PLEKHF1: variants seen among roughly 807,000 people sequenced by gnomAD.
PLEKHF1 encodes pleckstrin homology domain-containing family F member 1.
In PLEKHF1, 1 loss-of-function variant was observed where a neutral mutation model predicts 4.1. That is an observed-to-expected ratio of 0.24 (90% CI 0.09 to 1.15). The LOEUF is 1.15. Ranked by LOEUF, PLEKHF1 falls within the 50% of genes most tolerant of loss-of-function variation. The pLI is 0.52. For missense variants in PLEKHF1, 429 were observed against 400.6 expected (o/e 1.07, Z -0.60); for synonymous variants, 182 against 178.5 (o/e 1.02, Z -0.16).
rs757460721 is a variant in PLEKHF1 at position 29,674,167 on chromosome 19, G to A, written c.328G>A (p.Val110Met). ...GATCAAGACGGCCAAGAAGTCCTTTGTGGTGTCGGCCGCCTCCGCTACGGA... is the reference window on the plus strand; with the variant it reads ...GATCAAGACGGCCAAGAAGTCCTTTATGGTGTCGGCCGCCTCCGCTACGGA... ...WMIKTAKKSF[V>M]VSAASATERQ... Residue 110 changes from valine (V) to methionine (M), a missense_variant, in exon 2 of 2, where the codon GTG (valine) becomes ATG (methionine). Val to Met is a conservative substitution (Grantham distance 21, BLOSUM62 1). Transcript: ENST00000436066. 6.2e-7 allele frequency: 1 copy of A among 1,613,526 alleles called. No individual in the cohort carries two copies. Among genetic ancestry groups the A allele is most frequent in the Non-Finnish European group, 8.5e-7 (1 of 1,179,936 alleles).
chr19:29,674,184 C>T lies in PLEKHF1; in HGVS notation c.345C>T (p.Ser115=). The stretch of plus-strand genomic sequence containing the variant: ...AGTCCTTTGTGGTGTCGGCCGCCTC[C>T]GCTACGGAGCGCCAGGAATGGATTA... The part of the protein sequence containing the change: ...AKKSFVVSAA[S]ATERQEWISH... Residue 115 remains serine (S), a synonymous_variant, in exon 2 of 2, where the codon TCC becomes TCT. Coordinates refer to ENST00000436066, the MANE Select transcript of PLEKHF1 (RefSeq NM_024310.5). 6.2e-7 allele frequency: 1 copy of T among 1,613,238 alleles called. No individual in the cohort carries two copies. The highest frequency in any genetic ancestry group is 8.5e-7 in the Non-Finnish European group (1 of 1,179,878).
rs1390933184 is a variant in PLEKHF1 at position 29,674,290 on chromosome 19, C to G, written c.451C>G (p.Pro151Ala). 1.9e-6 allele frequency: 3 copies of G among 1,595,216 alleles called. No individual in the cohort carries two copies. The highest frequency in any genetic ancestry group is 2.6e-6 in the Non-Finnish European group (3 of 1,176,374). Residue 151 changes from proline to alanine, a missense_variant, in exon 2 of 2, where the codon CCC becomes GCC. Coordinates refer to ENST00000436066, the MANE Select transcript of PLEKHF1 (RefSeq NM_024310.5). The part of the protein sequence containing the change: ...PSTEHAAPWI[P>A]DKATDICMRC... The stretch of plus-strand genomic sequence containing the variant: ...CACGGAGCACGCGGCACCCTGGATC[C>G]CCGACAAGGCCACGGACATCTGCAT...
intron 1 of PLEKHF1, among the ~76,000 whole-genome samples, chr19:29,670,829 C>T (rs1379870187): frequency 6.6e-6 from 1 of 152,080 alleles, no homozygotes; most frequent in African/African-American, 2.4e-5. Context: ...AGGCGCTCGC[C>T]ACCACACCAG....
Position 29,674,306 on chromosome 19 carries a change from A to G in PLEKHF1, c.467A>G (p.Asp156Gly), listed in dbSNP as rs1430733126. Residue 156 changes from aspartate (D) to glycine (G), a missense_variant, in exon 2 of 2, where the codon GAC (aspartate) becomes GGC (glycine). Asp to Gly is a moderately conservative substitution (Grantham distance 94, BLOSUM62 -1). Coordinates refer to ENST00000436066, the MANE Select transcript of PLEKHF1 (RefSeq NM_024310.5). Reference sequence around the variant, plus strand: ...CCCTGGATCCCCGACAAGGCCACGGACATCTGCATGCGCTGCACGCAGACG... The same window carrying G: ...CCCTGGATCCCCGACAAGGCCACGGGCATCTGCATGCGCTGCACGCAGACG... ...AAPWIPDKAT[D>G]ICMRCTQTRF... 1 of 1,590,322 alleles carries G rather than the reference A, an allele frequency of 6.3e-7. No individual in the cohort carries two copies. The highest frequency in any genetic ancestry group is 8.5e-7 in the Non-Finnish European group (1 of 1,174,846).
rs1416806645 is a variant in PLEKHF1, at chr19:29,675,036, G to A, written c.*357G>A. 6 of 242,764 alleles carry A rather than the reference G, an allele frequency of 2.5e-5. No homozygotes were observed. The East Asian group carries it at 3.6e-4, about 14-fold the overall frequency. The allele number at this position is 242,764 out of a possible 1,614,324, so 15.0% of individuals were successfully genotyped here. On this transcript the variant is annotated 3_prime_UTR_variant, in exon 2 of 2. Coordinates refer to ENST00000436066, the MANE Select transcript of PLEKHF1 (RefSeq NM_024310.5). Reference sequence around the variant, plus strand: ...AGCAGGTTTGGGAACACAGAGGGAAGACAGGATGGGAGTGTAGCCACAGAA... The same window carrying A: ...AGCAGGTTTGGGAACACAGAGGGAAAACAGGATGGGAGTGTAGCCACAGAA...
Position 29,674,428 on chromosome 19 carries a change from T to C in PLEKHF1, c.589T>C (p.Ser197Pro). ...CCAGCGCTTCCTGCTCCCGCGCCTG[T>C]CCCCCAAGCCCGTGCGCGTCTGCAG... is the stretch of plus-strand genomic sequence containing the variant. Reference protein sequence around the residue: ...SRQRFLLPRLSPKPVRVCSLC... With the variant: ...SRQRFLLPRLPPKPVRVCSLC... The change falls in exon 2 of 2, where the codon TCC (serine) becomes CCC (proline). Residue 197 changes from serine to proline, a missense_variant. By Grantham distance (74) the Ser-to-Pro change is moderately conservative. Transcript: ENST00000436066. The C allele has an allele frequency of 6.5e-7, 1 of 1,530,282 alleles. No homozygotes were observed. Among genetic ancestry groups the C allele is most frequent in the Non-Finnish European group, 8.8e-7 (1 of 1,141,732 alleles). The allele number at this position is 1,530,282 out of a possible 1,614,324, so 94.8% of individuals were successfully genotyped here.
intron 1 of PLEKHF1, among the ~76,000 whole-genome samples, chr19:29,665,966 G>A (rs1971564960): frequency 6.6e-6 from 1 of 152,114 alleles, no homozygotes; most frequent in African/African-American, 2.4e-5. Flanking sequence ...GGGCGCGGCG[G>A]GGGGCGCTGG....
rs1450875997 is a variant in PLEKHF1 at position 29,675,105 on chromosome 19, TC to T, written c.*429del. ...GGCACACCCCACTGAAGAGCCTGAG[TC>T]CCAGGAGGCCTCCTGGAAGCCCAGG... On this transcript the variant is annotated 3_prime_UTR_variant, in exon 2 of 2. Transcript: ENST00000436066. 1 of 170,270 alleles carries T rather than the reference TC, an allele frequency of 5.9e-6. No homozygotes were observed. Among genetic ancestry groups the T allele is most frequent in the African/African-American group, 2.4e-5 (1 of 41,588 alleles). 10.5% of individuals were successfully genotyped at this position (170,270 alleles called of 1,614,324 possible). A position where few individuals can be genotyped will look rare whatever the true frequency, so the allele number is the denominator to read the frequency against.
At chr19:29,672,098 A>G (rs931333390) in intron 1 of PLEKHF1, among the ~76,000 whole-genome samples, 1 of 152,252 alleles carries the variant, frequency 6.6e-6, no homozygotes, top group East Asian at 1.9e-4. Context: ...TGAGCAGGGA[A>G]GCAGAAAACA....
chr19:29,665,690 G>C, intron 1 of PLEKHF1, 185 bp downstream of exon 1: 1 of 1,112,740 alleles, frequency 9.0e-7, no homozygotes, highest in Non-Finnish European at 1.1e-6. Flanking sequence ...GGGCGCTCCT[G>C]GGCGGCTTGC....
At position 29,674,680 on chromosome 19, in the gene PLEKHF1, C is replaced by A; in HGVS notation, c.*1C>A. 6.3e-7 allele frequency: 1 copy of A among 1,591,686 alleles called. No individual in the cohort carries two copies. The highest frequency in any genetic ancestry group is 8.6e-7 in the Non-Finnish European group (1 of 1,166,950). ...GGCCTGGTCTGCCTTCCACAGCTGA[C>A]CCCCGGCCTGCAGAACATCTGTCCC... On this transcript the variant is annotated 3_prime_UTR_variant, in exon 2 of 2. Transcript: ENST00000436066.
At chr19:29,668,121 C>A (rs1971590091) in intron 1 of PLEKHF1, among the ~76,000 whole-genome samples, 1 of 152,140 alleles carries the variant, frequency 6.6e-6, no homozygotes, top group Non-Finnish European at 1.5e-5. Flanking sequence ...CCTGTGCAGG[C>A]AGCAGGATTG....
At position 29,673,845 on chromosome 19, in the gene PLEKHF1, G is replaced by A. The variant is rs753329188; in HGVS notation, c.6G>A (p.Val2=). 6.3e-7 allele frequency: 1 copy of A among 1,595,224 alleles called. No individual in the cohort carries two copies. The highest frequency in any genetic ancestry group is 8.6e-7 in the Non-Finnish European group (1 of 1,168,370). Residue 2 remains valine (V), a synonymous_variant, in exon 2 of 2, where the codon GTG becomes GTA. Coordinates refer to ENST00000436066, the MANE Select transcript of PLEKHF1 (RefSeq NM_024310.5). ...GCAGCCGCCAGCTGGAGACGATGGT[G>A]GACCACTTGGCCAACACGGAGATCA... M[V]DHLANTEINS... is the part of the protein sequence containing the mutation.
Position 29,668,845 on chromosome 19 carries a change from G to A in PLEKHF1, c.-17+3340G>A, listed in dbSNP as rs1007162536. On this transcript the variant is annotated intron_variant, in intron 1 of 1. Transcript: ENST00000436066. ...GTGAAGTTGTGGTCATGTAGAGAAG[G>A]TGAGCATGCCGGGGCAGCTCCCAGG... Among the ~76,000 whole-genome samples the A allele has an allele frequency of 2.0e-5, 3 of 152,184 alleles. No individual in the cohort carries two copies. In the East Asian group the frequency reaches 5.8e-4, roughly 29 times the overall value.
In PLEKHF1 at chr19:29,674,112, G is replaced by C. The variant is rs768444045; in HGVS notation, c.273G>C (p.Pro91=). ...PLEEVTLELL[P]ETLQAKNRWM... ...AGGAGGTCACACTGGAGCTGTTGCC[G>C]GAGACGCTGCAGGCCAAGAACCGCT... Residue 91 remains proline, a synonymous_variant, in exon 2 of 2, where the codon CCG becomes CCC. Coordinates refer to ENST00000436066, the MANE Select transcript of PLEKHF1 (RefSeq NM_024310.5). 1.7e-5 allele frequency: 27 copies of C among 1,613,824 alleles called. No individual in the cohort carries two copies. The highest frequency in any genetic ancestry group is 2.2e-5 in the Non-Finnish European group (26 of 1,180,024).
intron 1 of PLEKHF1, among the ~76,000 whole-genome samples, chr19:29,673,534 C>CCGCT (rs1203243766): frequency 6.6e-6 from 1 of 152,142 alleles, no homozygotes; most frequent in Non-Finnish European, 1.5e-5. Flanking sequence ...CAGGCATGAA[C>CCGCT]CGCTGCACCT....
chr19:29,668,416 TAAAA>T (rs57550573), intron 1 of PLEKHF1, among the ~76,000 whole-genome samples: 1 of 141,816 alleles, frequency 7.1e-6, no homozygotes, highest in Non-Finnish European at 1.5e-5. Flanking sequence ...TGAGAACAAT[TAAAA>T]AAAAAAAAAG....
chr19:29,673,746 C>T, intron 1 of PLEKHF1, 78 bp from the exon 2 acceptor site: 1 of 1,529,262 alleles, frequency 6.5e-7, no homozygotes, highest in Non-Finnish European at 8.8e-7. Context: ...GTGGGTTAGT[C>T]AGTTGGGGGT....
rs538360318 is a variant in PLEKHF1 at position 29,668,427 on chromosome 19, A to G, written c.-17+2922A>G. Among the ~76,000 whole-genome samples the G allele has an allele frequency of 5.3e-5, 8 of 152,224 alleles. No homozygotes were observed. In the South Asian group the frequency reaches 1.7e-3, roughly 32 times the overall value. ...CTAGTGAGAACAATTAAAAAAAAAA[A>G]AAGGATTCCCAGCTGGGCTCAGTGG... On this transcript the variant is annotated intron_variant, in intron 1 of 1. Coordinates refer to ENST00000436066, the MANE Select transcript of PLEKHF1 (RefSeq NM_024310.5).
Sources: allele counts gnomAD v4.1 joint callset (sites outside exome capture counted in the v4.1 genomes callset), GRCh38; gene constraint gnomAD v4.1.1; transcripts MANE v1.5; gene names NCBI Gene and HGNC (gene_info 2026-07-23, HGNC 2026-07-21).